The following LHFPL3 variants were observed in gnomAD, a reference collection of about 807,000 sequenced individuals.
LHFPL3 encodes the protein LHFPL tetraspan subfamily member 3 protein.
In LHFPL3, 5 loss-of-function variants were observed where a neutral mutation model predicts 19.3. The observed-to-expected ratio is 0.26, with a 90% CI of 0.14 to 0.54. The LOEUF (loss-of-function observed/expected upper bound fraction) is 0.54. Among genes scored for constraint, LHFPL3 ranks in the 20% least tolerant of loss-of-function variants. The probability of loss-of-function intolerance (pLI) is 0.94; values close to 1 mark genes in which losing one functional copy is unlikely to be tolerated. For missense variants in LHFPL3, 249 were observed against 307.4 expected, an observed-to-expected ratio of 0.81 and a Z score of 1.42; for synonymous variants, 133 against 126.2, an observed-to-expected ratio of 1.05 and a Z score of -0.36.
At chr7:104,668,506 G>A (rs1792404965) in intron 1 of LHFPL3, 14 of 1,613,116 alleles carry the variant, frequency 8.7e-6, no homozygotes, top group Non-Finnish European at 1.1e-5. Flanking sequence ...GGCCGGGATC[G>A]CTATGATGAC....
At chr7:104,584,234 A>C (rs941460876) in intron 1 of LHFPL3, among the ~76,000 whole-genome samples, 44 of 152,068 alleles carry the variant, frequency 2.9e-4, no homozygotes, top group Admixed American at 9.8e-4. Context: ...CGCATGTTCT[A>C]ACTCATAGGT....
At chr7:104,564,128 C>A (rs1226688294) in intron 1 of LHFPL3, among the ~76,000 whole-genome samples, 1 of 152,092 alleles carries the variant, frequency 6.6e-6, no homozygotes, top group Non-Finnish European at 1.5e-5. Flanking sequence ...AATAGAGTGA[C>A]CCAGTAACCC....
chr7:104,393,045 T>C (rs1791109583), intron 1 of LHFPL3, among the ~76,000 whole-genome samples: 1 of 152,194 alleles, frequency 6.6e-6, no homozygotes, highest in South Asian at 2.1e-4. Flanking sequence ...GATATACAAA[T>C]GGCCAATAAG....
chr7:104,451,934 C>G (rs1045745742), intron 1 of LHFPL3, among the ~76,000 whole-genome samples: 16 of 151,872 alleles, frequency 1.1e-4, no homozygotes, highest in Non-Finnish European at 2.1e-4. Context: ...TTAGTAGAGA[C>G]GGGGTTTCGC....
At chr7:104,747,638 T>C (rs946205743) in intron 2 of LHFPL3, among the ~76,000 whole-genome samples, 1 of 152,188 alleles carries the variant, frequency 6.6e-6, no homozygotes, top group African/African-American at 2.4e-5. Context: ...TGGGAGACTA[T>C]TCCCCCATTA....
chr7:104,680,701 T>C (rs1269182173), intron 1 of LHFPL3, among the ~76,000 whole-genome samples: 1 of 152,146 alleles, frequency 6.6e-6, no homozygotes, highest in Non-Finnish European at 1.5e-5. Context: ...AGTTACACAT[T>C]GGCAGGGTCA....
intron 1 of LHFPL3, among the ~76,000 whole-genome samples, chr7:104,494,988 C>G (rs552082617): frequency 6.1e-4 from 93 of 152,320 alleles, no homozygotes; most frequent in Non-Finnish European, 1.2e-3. Flanking sequence ...CACTTCCAAA[C>G]CCCCCTCCAG....
At chr7:104,871,166 T>A (rs1318081083) in intron 2 of LHFPL3, among the ~76,000 whole-genome samples, 1 of 152,230 alleles carries the variant, frequency 6.6e-6, no homozygotes, top group African/African-American at 2.4e-5. Context: ...TACACAGACA[T>A]AGACGGTCTA....
intron 1 of LHFPL3, among the ~76,000 whole-genome samples, chr7:104,564,083 T>A (rs148917378): frequency 7.2e-5 from 11 of 152,320 alleles, no homozygotes; most frequent in African/African-American, 2.6e-4. Flanking sequence ...TCCTATGATG[T>A]GGCTACTATT....
rs984692639 is a variant in LHFPL3 at position 104,399,726 on chromosome 7, C to A, written c.445+70502C>A. ...CAACCTCGTGCTCCGCCCACCTCGGCCTCCCAAAGTGCTGGGATTACAGTT... is the reference window on the plus strand; with the variant it reads ...CAACCTCGTGCTCCGCCCACCTCGGACTCCCAAAGTGCTGGGATTACAGTT... On this transcript the variant is annotated intron_variant, in intron 1 of 2. Transcript: ENST00000424859. This position sits in a 1 kb window ranked among gnomAD's most constrained non-coding sequence, Gnocchi z 4.4. 6.6e-6 allele frequency among the ~76,000 whole-genome samples: 1 copy of A among 151,042 alleles called. No individual in the cohort carries two copies. Among genetic ancestry groups the A allele is most frequent in the Non-Finnish European group, 1.5e-5 (1 of 67,846 alleles).
At position 104,581,410 on chromosome 7, in the gene LHFPL3, G is replaced by C. The variant is rs145240766; in HGVS notation, c.446-155265G>C. ...TTACATGTTCTGGGTACAAGTTTTT[G>C]TTAGATATATGTTTTGAAAATATTT... On this transcript the variant is annotated intron_variant, in intron 1 of 2. Transcript: ENST00000424859. 2.7e-4 allele frequency among the ~76,000 whole-genome samples: 41 copies of C among 152,054 alleles called. No homozygotes were observed. In the East Asian group the frequency reaches 7.9e-3, roughly 29 times the overall value.
chr7:104,543,839 A>C (rs928153976), intron 1 of LHFPL3, among the ~76,000 whole-genome samples: 6 of 150,944 alleles, frequency 4.0e-5, no homozygotes, highest in African/African-American at 1.2e-4. Flanking sequence ...CGGGTGCAGC[A>C]CACCAACATG....
chr7:104,409,330 GTGTGTGTGTGTC>G (rs1791489654), intron 1 of LHFPL3, among the ~76,000 whole-genome samples: 1 of 122,594 alleles, frequency 8.2e-6, no homozygotes, highest in Non-Finnish European at 1.8e-5. Flanking sequence ...GTGTGTGTGT[GTGTGTGTGTGTC>G]TGTGTGAAAG....
At chr7:104,833,038 T>TATTATATAATAG (rs1554349395) in intron 2 of LHFPL3, among the ~76,000 whole-genome samples, 1 of 21,608 alleles carries the variant, frequency 4.6e-5, no homozygotes, top group African/African-American at 2.7e-4. Flanking sequence ...ATATTATATA[T>TATTATATAATAG]ATATATTATA....
intron 1 of LHFPL3, among the ~76,000 whole-genome samples, chr7:104,706,283 G>A (rs1299227446): frequency 6.6e-6 from 1 of 151,726 alleles, no homozygotes; most frequent in Non-Finnish European, 1.5e-5. Context: ...GCCAGCCAGT[G>A]TCACCACCGA....
chr7:104,704,448 TA>T (rs1793152041), intron 1 of LHFPL3, among the ~76,000 whole-genome samples: 1 of 152,194 alleles, frequency 6.6e-6, no homozygotes, highest in East Asian at 1.9e-4. Flanking sequence ...ATTTATTGTT[TA>T]TGAGTGATTA....
At chr7:104,703,905 C>T (rs2116184947) in intron 1 of LHFPL3, among the ~76,000 whole-genome samples, 1 of 152,230 alleles carries the variant, frequency 6.6e-6, no homozygotes, top group Non-Finnish European at 1.5e-5. Context: ...CTGGGCTTAC[C>T]TTAGCTCCCC....
At chr7:104,386,850 G>T in intron 1 of LHFPL3, among the ~76,000 whole-genome samples, 1 of 151,546 alleles carries the variant, frequency 6.6e-6, no homozygotes, top group South Asian at 2.1e-4. Flanking sequence ...AAACACAAAA[G>T]AGCACCAACT....
At chr7:104,436,400 A>G (rs1792106854) in intron 1 of LHFPL3, among the ~76,000 whole-genome samples, 2 of 152,198 alleles carry the variant, frequency 1.3e-5, no homozygotes, top group African/African-American at 4.8e-5. Flanking sequence ...AGAGTGAATA[A>G]CTATCCCAGA....
Sources: gnomAD v4.1 joint callset for allele counts (sites outside exome capture counted in the v4.1 genomes callset) on GRCh38, gnomAD v4.1.1 for gene constraint, Gnocchi (gnomAD v3.1) non-coding constraint, MANE v1.5 for transcripts, NCBI Gene and HGNC (gene_info 2026-07-23, HGNC 2026-07-21) for gene names.